The following CELF2 variants were observed in gnomAD, a reference collection of about 807,000 sequenced individuals.
CELF2 encodes CUGBP Elav-like family member 2, also known as CUG triplet repeat RNA-binding protein 2.
A neutral mutation model predicts 62.6 loss-of-function variants in CELF2; 8 were observed. The observed-to-expected ratio is 0.13, with a 90% CI of 0.07 to 0.23. CELF2 has a LOEUF of 0.23. Among genes scored for constraint, CELF2 ranks in the 10% least tolerant of loss-of-function variants. The pLI, the probability that CELF2 is intolerant of heterozygous loss-of-function variation, is 1.00. For synonymous variants in CELF2, 258 were observed against 250.0 expected (o/e 1.03, Z -0.30); for missense variants, 333 against 671.0 (o/e 0.50, Z 5.56).
At chr10:11,172,467 T>A (rs1430484281) in intron 2 of CELF2, among the ~76,000 whole-genome samples, 2 of 152,246 alleles carry the variant, frequency 1.3e-5, no homozygotes, top group Non-Finnish European at 2.9e-5. Flanking sequence ...CTAGCCATTG[T>A]GCTGATTGAG....
chr10:11,151,831 T>C (rs576606187), intron 1 of CELF2, among the ~76,000 whole-genome samples: 1 of 152,316 alleles, frequency 6.6e-6, no homozygotes, highest in South Asian at 2.1e-4. Flanking sequence ...GTGTCTGGTT[T>C]AAACCATTTC....
At chr10:10,559,579 C>T in the CELF2 span, among the ~76,000 whole-genome samples, 2 of 152,084 alleles carry the variant, frequency 1.3e-5, no homozygotes, top group African/African-American at 4.8e-5. Flanking sequence ...GACTTAAGCA[C>T]CAGCAGTGAT....
At chr10:11,320,614 C>T (rs1591495819) in intron 10 of CELF2, among the ~76,000 whole-genome samples, 2 of 152,228 alleles carry the variant, frequency 1.3e-5, no homozygotes, top group East Asian at 1.9e-4. Flanking sequence ...TTAGAAAGTC[C>T]GTTTTCCCAC....
At position 11,298,086 on chromosome 10, in the gene CELF2, A is replaced by T. The variant is rs1310095210; in HGVS notation, c.976+9534A>T. ...ATGGAGAAACAAAACATATCTGTAG[A>T]CCAAAGAGAAGAGCCAGAACAAAGG... is the stretch of plus-strand genomic sequence containing the variant. On this transcript the variant is annotated intron_variant, in intron 9 of 12. Coordinates refer to ENST00000633077, the MANE Select transcript of CELF2 (RefSeq NM_001326342.2). Among the ~76,000 whole-genome samples the T allele has an allele frequency of 2.6e-5, 4 of 152,246 alleles. No homozygotes were observed. In the South Asian group the frequency reaches 8.3e-4, roughly 31 times the overall value.
intron 1 of CELF2, among the ~76,000 whole-genome samples, chr10:11,071,103 T>C (rs1324989377): frequency 6.6e-6 from 1 of 152,230 alleles, no homozygotes; most frequent in East Asian, 1.9e-4. Context: ...TTGTTTATGT[T>C]TTATTTATCG....
chr10:11,131,427 G>A (rs2059608264), intron 1 of CELF2, among the ~76,000 whole-genome samples: 1 of 152,184 alleles, frequency 6.6e-6, no homozygotes, highest in African/African-American at 2.4e-5. Context: ...GCTGAATAGA[G>A]TCATGTTAAC....
At chr10:10,865,493 T>C (rs970897094) in intron 1 of CELF2, among the ~76,000 whole-genome samples, 1 of 152,268 alleles carries the variant, frequency 6.6e-6, no homozygotes, top group African/African-American at 2.4e-5. Flanking sequence ...GTTGTAATTC[T>C]GAGAGTGAGT....
the CELF2 span, among the ~76,000 whole-genome samples, chr10:10,507,137 A>G: frequency 1.6e-4 from 25 of 152,288 alleles, no homozygotes; most frequent in Non-Finnish European, 2.2e-4. Flanking sequence ...AGGCACTTCA[A>G]TGTAACGTTG....
At chr10:11,230,769 G>T (rs1169633918) in intron 3 of CELF2, among the ~76,000 whole-genome samples, 1 of 152,208 alleles carries the variant, frequency 6.6e-6, no homozygotes, top group Non-Finnish European at 1.5e-5. Context: ...TGGAAATGCT[G>T]CTATTTTAAG....
chr10:10,782,951 G>A, the CELF2 span, among the ~76,000 whole-genome samples: 2 of 152,156 alleles, frequency 1.3e-5, no homozygotes, highest in South Asian at 2.1e-4. Context: ...TTAATTAAAC[G>A]TTCTGACTAT....
At chr10:11,018,245 C>G (rs1407665800) in intron 1 of CELF2, 82 bp downstream of exon 1, 3 of 1,242,614 alleles carry the variant, frequency 2.4e-6, no homozygotes, top group African/African-American at 1.6e-5. Flanking sequence ...GGGCGTCGCC[C>G]GCAGCTCCCG....
At chr10:11,259,961 G>T (rs1032835633) in intron 5 of CELF2, among the ~76,000 whole-genome samples, 1 of 152,144 alleles carries the variant, frequency 6.6e-6, no homozygotes, top group Non-Finnish European at 1.5e-5. Context: ...CAGTGTTACC[G>T]TAGTAATTTT....
At chr10:11,028,994 G>A (rs1184052891) in intron 1 of CELF2, among the ~76,000 whole-genome samples, 1 of 152,204 alleles carries the variant, frequency 6.6e-6, no homozygotes, top group Admixed American at 6.5e-5. Flanking sequence ...GATTACAGGC[G>A]TGAGTCACTG....
chr10:11,115,610 T>A (rs1056563141), intron 1 of CELF2, among the ~76,000 whole-genome samples: 2 of 152,214 alleles, frequency 1.3e-5, no homozygotes, highest in Admixed American at 1.3e-4. Flanking sequence ...GAGAAGCGAA[T>A]GATATGGAAT....
chr10:10,717,389 A>C, the CELF2 span, among the ~76,000 whole-genome samples: 1 of 152,134 alleles, frequency 6.6e-6, no homozygotes, highest in African/African-American at 2.4e-5. Flanking sequence ...AAAAAAAAAA[A>C]GTATCTTAGT....
intron 1 of CELF2, among the ~76,000 whole-genome samples, chr10:11,040,675 G>A (rs1188616564): frequency 6.6e-6 from 1 of 152,054 alleles, no homozygotes; most frequent in Non-Finnish European, 1.5e-5. Context: ...GGAAAACTCT[G>A]CATCCTCAAA....
chr10:11,066,939 T>A (rs1329274338), intron 1 of CELF2, among the ~76,000 whole-genome samples: 1 of 151,984 alleles, frequency 6.6e-6, no homozygotes, highest in East Asian at 1.9e-4. Context: ...ACAGTCAGGG[T>A]GAGACTGTGC....
At chr10:10,942,176 A>T (rs916489457) in intron 2 of CELF2, among the ~76,000 whole-genome samples, 1 of 152,132 alleles carries the variant, frequency 6.6e-6, no homozygotes, top group African/African-American at 2.4e-5. Context: ...GGGTTAGCTT[A>T]GATGCAATAT....
At chr10:10,758,454 T>A in the CELF2 span, among the ~76,000 whole-genome samples, 1 of 152,196 alleles carries the variant, frequency 6.6e-6, no homozygotes, top group Non-Finnish European at 1.5e-5. Flanking sequence ...AAATGACATC[T>A]TCCTGCCTCG....
Sources: gnomAD v4.1 joint callset for allele counts (sites outside exome capture counted in the v4.1 genomes callset) on GRCh38, gnomAD v4.1.1 for gene constraint, MANE v1.5 for transcripts, NCBI Gene and HGNC (gene_info 2026-07-23, HGNC 2026-07-21) for gene names.